Variants in PEX1 observed in about 807,000 individuals in gnomAD.
The protein encoded by PEX1 is peroxisomal ATPase PEX1.
PEX1 carries 97 observed loss-of-function variants against 152.5 expected under a neutral mutation model. The ratio of observed to expected loss-of-function variants is 0.64; its 90% confidence interval spans 0.54 to 0.75. The LOEUF (loss-of-function observed/expected upper bound fraction) is 0.75. Ranked by LOEUF, PEX1 falls within the 30% of genes least tolerant of loss-of-function variation. The probability of loss-of-function intolerance (pLI) is 0.00; values close to 1 mark genes in which losing one functional copy is unlikely to be tolerated. For synonymous variants in PEX1, 485 were observed against 531.6 expected (o/e 0.91, Z 1.21); for missense variants, 1,357 against 1,516.3 (o/e 0.89, Z 1.74).
chr7:92,525,669 A>G (rs1222671250), intron 1 of PEX1, among the ~76,000 whole-genome samples: 2 of 152,188 alleles, frequency 1.3e-5, no homozygotes, highest in African/African-American at 2.4e-5. Flanking sequence ...GAGCCCCCAA[A>G]ACAAAAAATT....
chr7:92,500,030 G>A (rs1043378838), intron 15 of PEX1, among the ~76,000 whole-genome samples, 192 bp from the exon 16 acceptor site: 5 of 152,070 alleles, frequency 3.3e-5, no homozygotes, highest in Non-Finnish European at 4.4e-5. Context: ...AAGGAACTAC[G>A]ACAAATTTTT....
chr7:92,487,455 T>C lies in PEX1; in HGVS notation c.*2A>G, dbSNP rs757410958. ...CAGAACCAAATCAAAAAGAAGTATA[T>C]TTTATGCTAAAGTTACTTTCTGTCC... On this transcript the variant is annotated 3_prime_UTR_variant, in exon 24 of 24. Coordinates refer to ENST00000248633, the MANE Select transcript of PEX1 (RefSeq NM_000466.3). 1.8e-5 allele frequency: 28 copies of C among 1,533,690 alleles called. 1 individual carries two copies. In the South Asian group the frequency reaches 3.1e-4, roughly 17 times the overall value.
chr7:92,526,766 T>C (rs1793284663), intron 1 of PEX1, among the ~76,000 whole-genome samples: 1 of 152,078 alleles, frequency 6.6e-6, no homozygotes, highest in Non-Finnish European at 1.5e-5. Context: ...GACACAAAAC[T>C]GTACGTGTGT....
At position 92,513,872 on chromosome 7, in the gene PEX1, T is replaced by C; in HGVS notation, c.1335A>G (p.Leu445=). The C allele has an allele frequency of 1.9e-6, 3 of 1,601,392 alleles. No homozygotes were observed. In the African/African-American group the frequency reaches 4.0e-5, roughly 21 times the overall value. ...VEVTPKIPRS[L]KLQPRENLPK... The stretch of plus-strand genomic sequence containing the variant: ...CTAAATTCTCTCTAGGTTGTAACTT[T>C]AGAGATCTTGGAATTTTAGGGGTAA... Residue 445 remains leucine, a synonymous_variant, in exon 6 of 24, where the codon CTA becomes CTG. Coordinates refer to ENST00000248633, the MANE Select transcript of PEX1 (RefSeq NM_000466.3).
At chr7:92,500,715 T>G (rs978886355) in intron 15 of PEX1, among the ~76,000 whole-genome samples, 2 of 152,170 alleles carry the variant, frequency 1.3e-5, no homozygotes, top group Non-Finnish European at 2.9e-5. Context: ...CTCCTTTGCA[T>G]GGGTCCCTGA....
At chr7:92,505,497 A>G (rs1443348848) in intron 11 of PEX1, among the ~76,000 whole-genome samples, 1 of 152,140 alleles carries the variant, frequency 6.6e-6, no homozygotes, top group African/African-American at 2.4e-5. Context: ...GTTTCATCCC[A>G]TTGAGAATTT....
intron 8 of PEX1, 89 bp from the exon 9 acceptor site, chr7:92,509,500 C>T (rs1585241854): frequency 3.6e-6 from 3 of 837,688 alleles, no homozygotes. Flanking sequence ...ATTGCTGATT[C>T]TGTTATACCA....
chr7:92,509,238 T>C, intron 9 of PEX1, 91 bp downstream of exon 9: 1 of 853,690 alleles, frequency 1.2e-6, no homozygotes, highest in African/African-American at 1.7e-5. Context: ...CTTATTGACA[T>C]TAACATCTAC....
At chr7:92,509,273 G>T in intron 9 of PEX1, 56 bp downstream of exon 9, 1 of 1,130,424 alleles carries the variant, frequency 8.8e-7, no homozygotes, top group Non-Finnish European at 1.4e-6. Context: ...TGAAAACTCT[G>T]CCAGATATAG....
At position 92,509,373 on chromosome 7, in the gene PEX1, C is replaced by T; in HGVS notation, c.1626G>A (p.Glu542=). Residue 542 remains glutamate (E), a synonymous_variant, in exon 9 of 24, where the codon GAG becomes GAA. Coordinates refer to ENST00000248633, the MANE Select transcript of PEX1 (RefSeq NM_000466.3). Reference sequence around the variant, plus strand: ...AAAAAGGAAGAATAAAGTCAATTTCCTCACTGTTTTCTTCTTTTACCATAG... The same window carrying T: ...AAAAAGGAAGAATAAAGTCAATTTCTTCACTGTTTTCTTCTTTTACCATAG... ...LDPMVKEENS[E]EIDFILPFLK... The T allele has an allele frequency of 6.2e-7, 1 of 1,613,036 alleles. No individual in the cohort carries two copies. The highest frequency in any genetic ancestry group is 8.5e-7 in the Non-Finnish European group (1 of 1,179,370).
chr7:92,521,984 A>G, intron 2 of PEX1, 118 bp downstream of exon 2: 1 of 954,458 alleles, frequency 1.0e-6, no homozygotes, highest in South Asian at 1.4e-5. Flanking sequence ...GTTACATAAT[A>G]GCATACAAAT....
At position 92,528,408 on chromosome 7, in the gene PEX1, C is replaced by T; in HGVS notation, c.28G>A (p.Ala10Thr). 6.3e-7 allele frequency: 1 copy of T among 1,596,336 alleles called. No individual in the cohort carries two copies. Among genetic ancestry groups the T allele is most frequent in the Admixed American group, 1.7e-5 (1 of 58,120 alleles). Residue 10 changes from alanine (A) to threonine (T), a missense_variant, in exon 1 of 24, where the codon GCT becomes ACT. Coordinates refer to ENST00000248633, the MANE Select transcript of PEX1 (RefSeq NM_000466.3). MWGSDRLAG[A>T]GGGGAAVTVA... ...GTCACTGCCGCCCCGCCTCCCCCAG[C>T]ACCCGCCAGGCGATCGCTGCCCCAC...
At chr7:92,510,585 A>G (rs544082888) in intron 8 of PEX1, among the ~76,000 whole-genome samples, 70 of 152,236 alleles carry the variant, frequency 4.6e-4, no homozygotes, top group African/African-American at 1.5e-3. Flanking sequence ...TGGGTTGTGC[A>G]GTAAAATTGC....
chr7:92,508,555 T>C (rs1309864715), intron 9 of PEX1, among the ~76,000 whole-genome samples: 2 of 151,834 alleles, frequency 1.3e-5, no homozygotes, highest in Non-Finnish European at 2.9e-5. Context: ...AAAAAAGAGA[T>C]TTTATTTTAT....
intron 16 of PEX1, among the ~76,000 whole-genome samples, chr7:92,497,754 G>C (rs1791721421): frequency 6.6e-6 from 1 of 152,020 alleles, no homozygotes; most frequent in South Asian, 2.1e-4. Context: ...AGAACTATAG[G>C]ACTAGAGGAG....
chr7:92,514,067 G>A lies in PEX1; in HGVS notation c.1240-100C>T, dbSNP rs1002442948. ...GATATATTAGCTTCTATGAATTTAG[G>A]TGAAATAACAGAAGCTATCATAATA... On this transcript the variant is annotated intron_variant, in intron 5 of 23. Transcript: ENST00000248633. 3 of 767,960 alleles carry A rather than the reference G, an allele frequency of 3.9e-6. No individual in the cohort carries two copies. In the African/African-American group the frequency reaches 5.3e-5, roughly 14 times the overall value. 47.6% of individuals were successfully genotyped at this position (767,960 alleles called of 1,614,324 possible).
rs1308619486 is a variant in PEX1, at chr7:92,494,953, ACAGGGAT to A, written c.2784-331_2784-325del. ...AGACCCATGCCTTCTGGATAGACTA[ACAGGGAT>A]CAAAACAAAAACTGACTCTTAGTCA... On this transcript the variant is annotated intron_variant, in intron 17 of 23. Transcript: ENST00000248633. Among the ~76,000 whole-genome samples, 38 of 152,028 alleles carry A rather than the reference ACAGGGAT, an allele frequency of 2.5e-4. No homozygotes were observed. In the South Asian group the frequency reaches 7.7e-3, roughly 31 times the overall value.
intron 16 of PEX1, 142 bp downstream of exon 16, chr7:92,499,562 A>G: frequency 1.4e-6 from 1 of 701,326 alleles, no homozygotes; most frequent in Admixed American, 2.4e-5. Context: ...AGTGGAATGA[A>G]AAAGTTTTGA....
Position 92,517,373 on chromosome 7 carries a change from G to A in PEX1, c.1142C>T (p.Ala381Val), listed in dbSNP as rs73404416. 4.3e-6 allele frequency: 7 copies of A among 1,613,244 alleles called. No individual in the cohort carries two copies. Among genetic ancestry groups the A allele is most frequent in the South Asian group, 1.1e-5 (1 of 91,034 alleles). ...ATTCCAGACTACTTGTAGCACACAG[G>A]CCTTCTCATCTTCTTCATTATGATC... ...RSDHNEEDEK[A>V]CVLQVVWNGL... Residue 381 changes from alanine to valine, a missense_variant, in exon 5 of 24, where the codon GCC becomes GTC. Coordinates refer to ENST00000248633, the MANE Select transcript of PEX1 (RefSeq NM_000466.3).
Sources: allele counts gnomAD v4.1 joint callset (sites outside exome capture counted in the v4.1 genomes callset), GRCh38; gene constraint gnomAD v4.1.1; transcripts MANE v1.5; gene names NCBI Gene and HGNC (gene_info 2026-07-23, HGNC 2026-07-21).